HMGA2: variants seen among roughly 807,000 people sequenced by gnomAD.
The protein encoded by HMGA2 is high mobility group protein HMGI-C.
Under a neutral mutation model 19.1 loss-of-function variants are expected in HMGA2, and 8 were observed. The ratio of observed to expected loss-of-function variants is 0.42; its 90% CI spans 0.25 to 0.76. The LOEUF is 0.76. HMGA2 is among the 30% of genes least tolerant of loss of function. The probability of loss-of-function intolerance (pLI) is 0.28; values close to 1 mark genes in which losing one functional copy is unlikely to be tolerated. For missense variants in HMGA2, 109 were observed against 136.3 expected, an observed-to-expected ratio of 0.80 and a Z score of 1.00; for synonymous variants, 60 against 48.8, an observed-to-expected ratio of 1.23 and a Z score of -0.96.
intron 2 of HMGA2, among the ~76,000 whole-genome samples, chr12:65,833,123 G>C (rs1227914610): frequency 6.6e-6 from 1 of 152,056 alleles, no homozygotes; most frequent in Admixed American, 6.6e-5. Flanking sequence ...AATATATTGT[G>C]ATAGCAAATT....
intron 3 of HMGA2, among the ~76,000 whole-genome samples, chr12:65,838,886 G>C (rs532854837): frequency 3.3e-5 from 5 of 151,976 alleles, no homozygotes; most frequent in East Asian, 1.9e-4. Flanking sequence ...AAAGTTAAAG[G>C]GTATTATGAA....
At chr12:65,903,461 T>C (rs559296588) in intron 3 of HMGA2, among the ~76,000 whole-genome samples, 2 of 151,944 alleles carry the variant, frequency 1.3e-5, no homozygotes, top group South Asian at 2.1e-4. Flanking sequence ...AGGATCTGAG[T>C]GGGGAAAAAA....
At chr12:65,920,115 A>G (rs1321230033) in intron 3 of HMGA2, among the ~76,000 whole-genome samples, 1 of 152,204 alleles carries the variant, frequency 6.6e-6, no homozygotes, top group Admixed American at 6.5e-5. Context: ...TCTTTTAAAG[A>G]AACAAAACCA....
chr12:65,881,626 AGGAG>A (rs369335424), intron 3 of HMGA2: 405 of 586,316 alleles, frequency 6.9e-4, no homozygotes, highest in African/African-American at 1.1e-3. Context: ...GAGGGAGCGA[AGGAG>A]GGAGGGAGGG....
intron 3 of HMGA2, among the ~76,000 whole-genome samples, chr12:65,902,514 AG>A (rs1333100844): frequency 9.9e-5 from 15 of 152,186 alleles, no homozygotes; most frequent in African/African-American, 3.4e-4. Flanking sequence ...CCCTTGAAAA[AG>A]AAAACAACCA....
At chr12:65,867,452 G>A (rs1344565389) in intron 3 of HMGA2, 5 of 453,414 alleles carry the variant, frequency 1.1e-5, no homozygotes, top group Non-Finnish European at 2.2e-5. Context: ...GAATTGGCTG[G>A]CCAGTTTTCC....
chr12:65,945,331 T>C (rs1385055592), intron 3 of HMGA2, among the ~76,000 whole-genome samples: 1 of 152,088 alleles, frequency 6.6e-6, no homozygotes, highest in Non-Finnish European at 1.5e-5. Flanking sequence ...AATATTGAAG[T>C]TTTAAAACTA....
In HMGA2 at chr12:65,872,512, T is replaced by C. The variant is rs563791463; in HGVS notation, c.249+33943T>C. Among the ~76,000 whole-genome samples, 11 of 152,350 alleles carry C rather than the reference T, an allele frequency of 7.2e-5. No individual in the cohort carries two copies. In the South Asian group the frequency reaches 1.5e-3, roughly 20 times the overall value. On this transcript the variant is annotated intron_variant, in intron 3 of 4. Transcript: ENST00000403681. ...ATTGACTGACTGTATTCGTAGCTTA[T>C]CTGAGTGCCATCATACACCCGGTCA...
intron 3 of HMGA2, among the ~76,000 whole-genome samples, chr12:65,855,518 C>A (rs1444229458): frequency 2.0e-5 from 3 of 150,784 alleles, no homozygotes; most frequent in Non-Finnish European, 4.4e-5. Context: ...GATGCAAACA[C>A]TAGGCAGATG....
intron 3 of HMGA2, chr12:65,881,713 C>T (rs1218079780): frequency 2.8e-6 from 2 of 702,492 alleles, no homozygotes; most frequent in African/African-American, 1.7e-5. Context: ...GAGAGCTTCA[C>T]TCACTGACTC....
intron 3 of HMGA2, among the ~76,000 whole-genome samples, chr12:65,872,500 A>C (rs1026084422): frequency 2.0e-5 from 3 of 152,020 alleles, no homozygotes; most frequent in Non-Finnish European, 1.5e-5. Context: ...GACTGACTGT[A>C]TTCGTAGCTT....
At chr12:65,898,905 G>T (rs538145286) in intron 3 of HMGA2, among the ~76,000 whole-genome samples, 1 of 151,946 alleles carries the variant, frequency 6.6e-6, no homozygotes, top group African/African-American at 2.4e-5. Flanking sequence ...TTAGCCGGGC[G>T]TGGTGGCGGG....
chr12:65,867,533 C>A (rs1054119649), intron 3 of HMGA2: 1 of 454,020 alleles, frequency 2.2e-6, no homozygotes, highest in Non-Finnish European at 4.4e-6. Context: ...AATGAGAAGA[C>A]CAAAACCGTA....
At chr12:65,931,443 G>C in intron 3 of HMGA2, among the ~76,000 whole-genome samples, 1 of 152,022 alleles carries the variant, frequency 6.6e-6, no homozygotes, top group East Asian at 1.9e-4. Context: ...ATCAAATGTT[G>C]AAAGACTTAA....
At chr12:65,889,428 T>C (rs1373983911) in intron 3 of HMGA2, among the ~76,000 whole-genome samples, 2 of 152,222 alleles carry the variant, frequency 1.3e-5, no homozygotes, top group African/African-American at 4.8e-5. Context: ...AAATATATTG[T>C]AAATACATAT....
At chr12:65,908,576 CCT>C (rs1874705288) in intron 3 of HMGA2, among the ~76,000 whole-genome samples, 1 of 152,150 alleles carries the variant, frequency 6.6e-6, no homozygotes, top group Non-Finnish European at 1.5e-5. Context: ...ATTAGATGGT[CCT>C]CTCTTCGTTC....
chr12:65,861,916 C>A (rs958023770), intron 3 of HMGA2, among the ~76,000 whole-genome samples: 5 of 151,200 alleles, frequency 3.3e-5, no homozygotes, highest in Non-Finnish European at 4.4e-5. Flanking sequence ...GCGATCTCGG[C>A]TCACTGCAAC....
chr12:65,899,737 A>G (rs1874295090), intron 3 of HMGA2, among the ~76,000 whole-genome samples: 1 of 152,158 alleles, frequency 6.6e-6, no homozygotes, highest in South Asian at 2.1e-4. Context: ...AGGTTGTGTT[A>G]TTTTTATGAA....
chr12:65,911,951 C>G (rs1874863776), intron 3 of HMGA2, among the ~76,000 whole-genome samples: 1 of 152,166 alleles, frequency 6.6e-6, no homozygotes, highest in South Asian at 2.1e-4. Context: ...AGTGGCATCT[C>G]TATACTAAAA....
Sources: allele counts gnomAD v4.1 joint callset (sites outside exome capture counted in the v4.1 genomes callset), GRCh38; gene constraint gnomAD v4.1.1; transcripts MANE v1.5; gene names NCBI Gene and HGNC (gene_info 2026-07-23, HGNC 2026-07-21).